THAP4: variants seen among roughly 807,000 people sequenced by gnomAD.
THAP4 encodes peroxynitrite isomerase THAP4.
In THAP4, 18 loss-of-function variants were observed where a neutral mutation model predicts 48.1. The observed-to-expected ratio is 0.37, with a 90% CI of 0.26 to 0.56. The LOEUF is 0.56. Ranked by LOEUF, THAP4 falls within the 20% of genes least tolerant of loss-of-function variation. THAP4 has a pLI of 0.78. For synonymous variants in THAP4, 345 were observed against 324.9 expected (o/e 1.06, Z -0.66); for missense variants, 656 against 774.9 (o/e 0.85, Z 1.82).
At chr2:241,623,097 T>C (rs1195228116) in intron 2 of THAP4, among the ~76,000 whole-genome samples, 2 of 151,970 alleles carry the variant, frequency 1.3e-5, no homozygotes, top group Non-Finnish European at 2.9e-5. Flanking sequence ...ATGCCTGTAA[T>C]CCCAGCTACT....
intron 1 of THAP4, among the ~76,000 whole-genome samples, chr2:241,635,935 T>C (rs769127679): frequency 1.6e-4 from 24 of 152,106 alleles, no homozygotes; most frequent in Non-Finnish European, 2.9e-4. Flanking sequence ...CTAACCTCCT[T>C]TCTGAACACT....
At chr2:241,617,585 GAAGA>G in intron 2 of THAP4, 1 of 938,942 alleles carries the variant, frequency 1.1e-6, no homozygotes, top group Non-Finnish European at 1.6e-6. Context: ...TCACGTCTCA[GAAGA>G]AAGTAAAAGA....
At position 241,593,593 on chromosome 2, in the gene THAP4, G is replaced by A. The variant is rs145197955; in HGVS notation, c.1614+8303C>T. ...TGCCTTAACACCCCACAAAAGCTCC[G>A]TGGCGTGGCCTGAGTGTCTCTACCA... On this transcript the variant is annotated intron_variant, in intron 5 of 5. Transcript: ENST00000407315. 5.8e-3 allele frequency among the ~76,000 whole-genome samples: 889 copies of A among 152,372 alleles called. 7 individuals carry two copies. Among genetic ancestry groups the A allele is most frequent in the African/African-American group, 0.02 (829 of 41,584 alleles).
chr2:241,595,174 G>C (rs1370573776), intron 5 of THAP4, among the ~76,000 whole-genome samples: 1 of 151,972 alleles, frequency 6.6e-6, no homozygotes, highest in Admixed American at 6.6e-5. Context: ...CACCACGCCT[G>C]GCTAATTTTT....
At position 241,633,377 on chromosome 2, in the gene THAP4, C is replaced by A; in HGVS notation, c.780G>T (p.Arg260Ser). ...AGCTTGGTTCCACATCTTTCTTCAG[C>A]CTCTTGCGGTCAATGGGCTCTCGGG... ...SVPREPIDRK[R>S]LKKDVEPSCS... is the part of the protein sequence containing the mutation. Residue 260 changes from arginine (R) to serine (S), a missense_variant, in exon 2 of 6, where the codon AGG (arginine) becomes AGT (serine). Physicochemically the swap from Arg to Ser is moderately radical, Grantham distance 110. Coordinates refer to ENST00000407315, the MANE Select transcript of THAP4 (RefSeq NM_015963.6). This position sits in a 1 kb window ranked among gnomAD's most constrained non-coding sequence, Gnocchi z 7.5. The A allele has an allele frequency of 6.2e-7, 1 of 1,613,152 alleles. No individual in the cohort carries two copies. Among genetic ancestry groups the A allele is most frequent in the Non-Finnish European group, 8.5e-7 (1 of 1,179,990 alleles).
In THAP4 at chr2:241,610,451, C is replaced by G. The variant is rs937378598; in HGVS notation, c.1241-3978G>C. On this transcript the variant is annotated intron_variant, in intron 2 of 5. Coordinates refer to ENST00000407315, the MANE Select transcript of THAP4 (RefSeq NM_015963.6). This position sits in a 1 kb window ranked among gnomAD's most constrained non-coding sequence, Gnocchi z 4.2. ...GGGCGGCGCTGGGCGGTGGGGCGCGCTCACTGGCTGCCACCTCACCTAGCA... is the reference window on the plus strand; with the variant it reads ...GGGCGGCGCTGGGCGGTGGGGCGCGGTCACTGGCTGCCACCTCACCTAGCA... 6.6e-6 allele frequency among the ~76,000 whole-genome samples: 1 copy of G among 152,190 alleles called. No individual in the cohort carries two copies. Among genetic ancestry groups the G allele is most frequent in the Non-Finnish European group, 1.5e-5 (1 of 68,022 alleles).
chr2:241,637,022 G>A lies in THAP4; in HGVS notation c.-5C>T. 7.9e-7 allele frequency: 1 copy of A among 1,268,468 alleles called. No individual in the cohort carries two copies. Among genetic ancestry groups the A allele is most frequent in the Non-Finnish European group, 1.0e-6 (1 of 982,322 alleles). The allele number at this position is 1,268,468 out of a possible 1,614,324, so 78.6% of individuals were successfully genotyped here. A position where few individuals can be genotyped will look rare whatever the true frequency, so the allele number is the denominator to read the frequency against. The stretch of plus-strand genomic sequence containing the variant: ...GGCCGCACAGCAGATCACCATCGCG[G>A]GCCTTGGCCCAGCCGCGCAGCCAGG... On this transcript the variant is annotated 5_prime_UTR_variant, in exon 1 of 6. Transcript: ENST00000407315.
chr2:241,620,511 A>G (rs1245576864), intron 2 of THAP4, among the ~76,000 whole-genome samples: 7 of 73,536 alleles, frequency 9.5e-5, no homozygotes, highest in Admixed American at 1.5e-4. Context: ...GTGAGTGAGG[A>G]GTGAGTGAGG....
chr2:241,608,825 A>C (rs2067223328), intron 2 of THAP4, among the ~76,000 whole-genome samples: 1 of 152,242 alleles, frequency 6.6e-6, no homozygotes, highest in East Asian at 1.9e-4. Context: ...CCTACCCAAA[A>C]GGGACAAGGA....
In THAP4 at chr2:241,584,740, G is replaced by A. The variant is rs1402930993; in HGVS notation, c.1615-15C>T. 2.5e-6 allele frequency: 4 copies of A among 1,614,096 alleles called. No individual in the cohort carries two copies. Among genetic ancestry groups the A allele is most frequent in the Non-Finnish European group, 3.4e-6 (4 of 1,179,994 alleles). On this transcript the variant is annotated splice_polypyrimidine_tract_variant and intron_variant, in intron 5 of 5. Transcript: ENST00000407315. Reference sequence around the variant, plus strand: ...TTCCGGGTGATCTGAGCAGGAGAATGGAACAAAGATAGCTTAGTTTTATCT... The same window carrying A: ...TTCCGGGTGATCTGAGCAGGAGAATAGAACAAAGATAGCTTAGTTTTATCT...
In THAP4 at chr2:241,612,901, C is replaced by T. The variant is rs764904036; in HGVS notation, c.1241-6428G>A. Among the ~76,000 whole-genome samples, 1 of 152,122 alleles carries T rather than the reference C, an allele frequency of 6.6e-6. No individual in the cohort carries two copies. Among genetic ancestry groups the T allele is most frequent in the African/African-American group, 2.4e-5 (1 of 41,414 alleles). On this transcript the variant is annotated intron_variant, in intron 2 of 5. Transcript: ENST00000407315. The surrounding 1 kb of genome is among the most constrained non-coding windows in gnomAD (Gnocchi z 4.1). ...GGCTCACTGACACGTGCAGTGAGTG[C>T]GAGCTACAAACTAGATTCCGAAAAC... is the stretch of plus-strand genomic sequence containing the variant.
chr2:241,637,285 G>T, upstream of THAP4: 1 of 1,115,824 alleles, frequency 9.0e-7, no homozygotes, highest in Non-Finnish European at 1.1e-6. Context: ...CCGTCGGCAG[G>T]CGGGCAGACG....
At chr2:241,627,628 G>A (rs932537367) in intron 2 of THAP4, among the ~76,000 whole-genome samples, 6 of 152,154 alleles carry the variant, frequency 3.9e-5, no homozygotes, top group South Asian at 2.1e-4. Context: ...ACAAGTGTGC[G>A]GCGCTTTCCA....
chr2:241,628,280 C>T (rs904127520), intron 2 of THAP4, among the ~76,000 whole-genome samples: 2 of 152,072 alleles, frequency 1.3e-5, no homozygotes, highest in East Asian at 1.9e-4. Context: ...GAAGCCCAGC[C>T]TAGAACCACA....
At chr2:241,589,963 A>G (rs2066937594) in intron 5 of THAP4, among the ~76,000 whole-genome samples, 1 of 152,100 alleles carries the variant, frequency 6.6e-6, no homozygotes, top group South Asian at 2.1e-4. Context: ...AATGATGGGC[A>G]CTAGGACACT....
intron 2 of THAP4, among the ~76,000 whole-genome samples, chr2:241,613,552 G>C (rs1047166381): frequency 6.6e-6 from 1 of 152,128 alleles, no homozygotes; most frequent in African/African-American, 2.4e-5. Context: ...TCAGGAGTTT[G>C]AGACCAGCCC....
chr2:241,637,226 G>T, upstream of THAP4: 6 of 995,686 alleles, frequency 6.0e-6, no homozygotes, highest in Non-Finnish European at 7.2e-6. Context: ...GCCAGCCGCG[G>T]GTTCGGGCGT....
rs2066906677 is a variant in THAP4, at chr2:241,587,337, C to T, written c.1615-2612G>A. Among the ~76,000 whole-genome samples the T allele has an allele frequency of 2.0e-5, 3 of 152,254 alleles. No individual in the cohort carries two copies. In the South Asian group the frequency reaches 6.2e-4, roughly 32 times the overall value. Reference sequence around the variant, plus strand: ...CCCCCGTCCTTGGACACCTCCAGGCCCCCCGACCTTTGGACTCCCAGATGT... The same window carrying T: ...CCCCCGTCCTTGGACACCTCCAGGCTCCCCGACCTTTGGACTCCCAGATGT... On this transcript the variant is annotated intron_variant, in intron 5 of 5. Transcript: ENST00000407315.
intron 2 of THAP4, among the ~76,000 whole-genome samples, chr2:241,626,514 A>T (rs1394042863): frequency 2.0e-5 from 3 of 152,166 alleles, no homozygotes; most frequent in Non-Finnish European, 4.4e-5. Context: ...TACAGCTCAC[A>T]TCATAAGGAG....
Sources: gnomAD v4.1 joint callset for allele counts (sites outside exome capture counted in the v4.1 genomes callset) on GRCh38, gnomAD v4.1.1 for gene constraint, Gnocchi (gnomAD v3.1) non-coding constraint, MANE v1.5 for transcripts, NCBI Gene and HGNC (gene_info 2026-07-23, HGNC 2026-07-21) for gene names.